Variants in ARHGAP31 observed in about 807,000 individuals in gnomAD.
ARHGAP31 encodes the protein Rho GTPase activating protein 31, also known as rho GTPase-activating protein 31.
Under a neutral mutation model 113.9 loss-of-function variants are expected in ARHGAP31, and 34 were observed. The observed-to-expected ratio is 0.30, with a 90% confidence interval of 0.23 to 0.40. The LOEUF (loss-of-function observed/expected upper bound fraction) is 0.40. ARHGAP31 is among the 10% of genes least tolerant of loss of function. The probability of loss-of-function intolerance (pLI) is 1.00; values close to 1 mark genes in which losing one functional copy is unlikely to be tolerated. For missense variants in ARHGAP31, 1,548 were observed against 1,767.1 expected, an observed-to-expected ratio of 0.88 and a Z score of 2.22; for synonymous variants, 650 against 684.8, an observed-to-expected ratio of 0.95 and a Z score of 0.79.
chr3:119,390,667 C>G, intron 6 of ARHGAP31, 118 bp from the exon 7 acceptor site: 1 of 1,137,204 alleles, frequency 8.8e-7, no homozygotes, highest in South Asian at 1.3e-5. Flanking sequence ...CAAGAGAAGC[C>G]AGGGTGGCAC....
At chr3:119,410,059 C>G (rs1393139288) in intron 11 of ARHGAP31, among the ~76,000 whole-genome samples, 3 of 152,130 alleles carry the variant, frequency 2.0e-5, no homozygotes, top group African/African-American at 7.2e-5. Flanking sequence ...AGTAACATGT[C>G]TTTGGAATGT....
chr3:119,321,279 C>CTATATATATATATATAGTATATATATAT (rs1553759840), intron 1 of ARHGAP31, among the ~76,000 whole-genome samples: 1 of 140,438 alleles, frequency 7.1e-6, no homozygotes, highest in Non-Finnish European at 1.5e-5. Flanking sequence ...TATATATATA[C>CTATATATATATATATAGTATATATATAT]TATATATATA....
intron 1 of ARHGAP31, among the ~76,000 whole-genome samples, chr3:119,364,095 C>T (rs564311449): frequency 2.5e-4 from 38 of 152,088 alleles, no homozygotes; most frequent in South Asian, 2.5e-3. Context: ...GTCAGCCGCC[C>T]GGAGAGAACA....
intron 1 of ARHGAP31, among the ~76,000 whole-genome samples, chr3:119,345,386 C>T (rs76358985): frequency 0.11 from 16,429 of 152,166 alleles, 911 homozygotes; most frequent in African/African-American, 0.13. Flanking sequence ...GGAGCTGCCC[C>T]AGCACACTGG....
intron 1 of ARHGAP31, among the ~76,000 whole-genome samples, chr3:119,347,832 A>C (rs555244471): frequency 2.0e-5 from 3 of 152,380 alleles, no homozygotes; most frequent in Admixed American, 1.3e-4. Context: ...GAAAATTCTA[A>C]TTCTGAAGCT....
At position 119,390,839 on chromosome 3, in the gene ARHGAP31, A is replaced by G; in HGVS notation, c.737A>G (p.Lys246Arg). 6.2e-7 allele frequency: 1 copy of G among 1,613,728 alleles called. No homozygotes were observed. Among genetic ancestry groups the G allele is most frequent in the Non-Finnish European group, 8.5e-7 (1 of 1,180,030 alleles). Residue 246 changes from lysine to arginine, a missense_variant, in exon 7 of 12, where the codon AAG becomes AGG. Coordinates refer to ENST00000264245, the MANE Select transcript of ARHGAP31 (RefSeq NM_020754.4). ...TTGCCAGCCCTCTCCCTGCCCATGA[A>G]GCTGGTGAGCCTTGAGGAAGCTCAA... The part of the protein sequence containing the change: ...LTLPALSLPM[K>R]LVSLEEAQAR...
chr3:119,325,918 C>T (rs546548208), intron 1 of ARHGAP31, among the ~76,000 whole-genome samples: 11 of 152,114 alleles, frequency 7.2e-5, no homozygotes, highest in Admixed American at 2.0e-4. Flanking sequence ...GGGCTGGGCA[C>T]GGTGGCTCAC....
At chr3:119,328,973 T>G (rs529804965) in intron 1 of ARHGAP31, among the ~76,000 whole-genome samples, 54 of 152,364 alleles carry the variant, frequency 3.5e-4, no homozygotes, top group African/African-American at 1.3e-3. Flanking sequence ...ATAAATGCTT[T>G]AAATAACTCC....
At chr3:119,380,275 G>A (rs2080384713) in intron 3 of ARHGAP31, among the ~76,000 whole-genome samples, 1 of 152,094 alleles carries the variant, frequency 6.6e-6, no homozygotes, top group South Asian at 2.1e-4. Flanking sequence ...GTAGTCACGG[G>A]CTAGGTAGGC....
intron 1 of ARHGAP31, among the ~76,000 whole-genome samples, chr3:119,349,252 A>G (rs1382546931): frequency 6.6e-6 from 1 of 152,244 alleles, no homozygotes; most frequent in Non-Finnish European, 1.5e-5. Context: ...TCCCTCAAGT[A>G]TGTTCCCTGG....
At chr3:119,353,740 A>T (rs547042701) in intron 1 of ARHGAP31, among the ~76,000 whole-genome samples, 50 of 145,060 alleles carry the variant, frequency 3.4e-4, no homozygotes, top group African/African-American at 1.1e-3. Flanking sequence ...GTGAGCCAAG[A>T]TTGCACCACT....
Position 119,303,497 on chromosome 3 carries a change from T to G in ARHGAP31, c.100+8493T>G, listed in dbSNP as rs1301669463. Among the ~76,000 whole-genome samples, 3 of 152,190 alleles carry G rather than the reference T, an allele frequency of 2.0e-5. No individual in the cohort carries two copies. The East Asian group carries it at 5.8e-4, about 29-fold the overall frequency. On this transcript the variant is annotated intron_variant, in intron 1 of 11. Transcript: ENST00000264245. Reference sequence around the variant, plus strand: ...AGTCTCAGGCACTCTTTGTTCTCGTTTAAGCTTGGTTGATGCATACCAGGC... The same window carrying G: ...AGTCTCAGGCACTCTTTGTTCTCGTGTAAGCTTGGTTGATGCATACCAGGC...
At chr3:119,388,707 G>A (rs1371198307) in intron 6 of ARHGAP31, among the ~76,000 whole-genome samples, 1 of 152,166 alleles carries the variant, frequency 6.6e-6, no homozygotes, top group Non-Finnish European at 1.5e-5. Context: ...ATGCATTAAG[G>A]AAAAGAATAA....
chr3:119,327,487 G>A (rs1023264376), intron 1 of ARHGAP31, among the ~76,000 whole-genome samples: 2 of 152,186 alleles, frequency 1.3e-5, no homozygotes, highest in African/African-American at 2.4e-5. Flanking sequence ...GGAGGTTGCA[G>A]TGAGCCGAGA....
At chr3:119,390,708 GGA>G in intron 6 of ARHGAP31, 75 bp from the exon 7 acceptor site, 1 of 1,471,388 alleles carries the variant, frequency 6.8e-7, no homozygotes, top group Non-Finnish European at 9.4e-7. Context: ...AAGAATGGAG[GGA>G]CTGTGGATGG....
At chr3:119,411,232 G>A (rs2080713787) in intron 11 of ARHGAP31, among the ~76,000 whole-genome samples, 1 of 152,180 alleles carries the variant, frequency 6.6e-6, no homozygotes, top group African/African-American at 2.4e-5. Flanking sequence ...GAGGTGTTCA[G>A]AATTTTGTCT....
At chr3:119,405,923 T>A (rs1423681046) in intron 10 of ARHGAP31, among the ~76,000 whole-genome samples, 1 of 152,188 alleles carries the variant, frequency 6.6e-6, no homozygotes. Context: ...TGAAAAGAGA[T>A]CATGGTAACC....
chr3:119,396,442 A>G (rs1305262260), intron 8 of ARHGAP31, among the ~76,000 whole-genome samples: 3 of 152,258 alleles, frequency 2.0e-5, no homozygotes, highest in African/African-American at 2.4e-5. Context: ...CAGTGTCAAT[A>G]TAAGTGGCTC....
rs945384136 is a variant in ARHGAP31, at chr3:119,401,823, A to G, written c.1071A>G (p.Gly357=). The G allele has an allele frequency of 6.2e-7, 1 of 1,613,876 alleles. No individual in the cohort carries two copies. The highest frequency in any genetic ancestry group is 8.5e-7 in the Non-Finnish European group (1 of 1,180,008). Residue 357 remains glycine (G), a splice_region_variant and synonymous_variant, in exon 10 of 12, where the codon GGA becomes GGG. Coordinates refer to ENST00000264245, the MANE Select transcript of ARHGAP31 (RefSeq NM_020754.4). The stretch of plus-strand genomic sequence containing the variant: ...CATACACTTGTTCCTTTTTACTAGG[A>G]AAAGAAACCAAGGGAAATTTCAATC... ...MDSLCSVPVE[G]KETKGNFNRT...
Sources: gnomAD v4.1 joint callset for allele counts (sites outside exome capture counted in the v4.1 genomes callset) on GRCh38, gnomAD v4.1.1 for gene constraint, MANE v1.5 for transcripts, NCBI Gene and HGNC (gene_info 2026-07-23, HGNC 2026-07-21) for gene names.